MDN1: variants seen among roughly 807,000 people sequenced by gnomAD.
MDN1 encodes the protein midasin.
Under a neutral mutation model 669.2 loss-of-function variants are expected in MDN1, and 266 were observed. The observed-to-expected ratio is 0.40, with a 90% confidence interval of 0.36 to 0.44. MDN1 has a LOEUF of 0.44. Among genes scored for constraint, MDN1 ranks in the 20% least tolerant of loss-of-function variants. The pLI, the probability that MDN1 is intolerant of heterozygous loss-of-function variation, is 1.00. For missense variants in MDN1, 5,940 were observed against 6,754.0 expected, an observed-to-expected ratio of 0.88 and a Z score of 4.22; for synonymous variants, 2,385 against 2,457.1, an observed-to-expected ratio of 0.97 and a Z score of 0.87.
Position 89,693,010 on chromosome 6 carries a change from G to C in MDN1, c.10020C>G (p.Ala3340=). The C allele has an allele frequency of 6.2e-7, 1 of 1,614,220 alleles. No homozygotes were observed. Among genetic ancestry groups the C allele is most frequent in the Middle Eastern group, 1.6e-4 (1 of 6,062 alleles). ...GTGTGAGCAGATCCTGAACAGCAGG[G>C]GCCTTGGCGATGCTGGTGACGTAGT... The part of the protein sequence containing the change: ...IHHYVTSIAK[A]PAVQDLLTRL... Residue 3340 remains alanine, a synonymous_variant, in exon 63 of 102, where the codon GCC becomes GCG. Transcript: ENST00000369393.
At chr6:89,708,363 C>G in intron 51 of MDN1, 133 bp downstream of exon 51, 1 of 1,115,892 alleles carries the variant, frequency 9.0e-7, no homozygotes, top group Non-Finnish European at 1.3e-6. Context: ...TAAAGGCAAT[C>G]ATGTCCAACA....
At chr6:89,775,909 A>C (rs747818675) in intron 12 of MDN1, among the ~76,000 whole-genome samples, 10 of 152,048 alleles carry the variant, frequency 6.6e-5, no homozygotes, top group Admixed American at 1.3e-4. Context: ...GGCTGGTCTT[A>C]AACTCCCGAC....
At position 89,674,555 on chromosome 6, in the gene MDN1, T is replaced by C. The variant is rs41273327; in HGVS notation, c.12796A>G (p.Arg4266Gly). The C allele has an allele frequency of 0.039, 62,145 of 1,590,582 alleles. 1,800 individuals are homozygous for C. Among genetic ancestry groups the C allele is most frequent in the South Asian group, 0.12 (11,156 of 89,682 alleles). ...GGGTAGGCCTGGGGCCCCATCAGCC[T>C]GCTGTGAATCTCTTGCACACAGCTG... Reference protein sequence around the residue: ...LLSCVQEIHSRLMGPQAYPVA... With the variant: ...LLSCVQEIHSGLMGPQAYPVA... Residue 4266 changes from arginine (R) to glycine (G), a missense_variant, in exon 79 of 102, where the codon AGG becomes GGG. By Grantham distance (125) the Arg-to-Gly change is moderately radical. Around this residue, in one of 5 missense-constraint regions of MDN1, gnomAD observed 2,280 missense variants for 2,576.3 expected, o/e 0.88. Coordinates refer to ENST00000369393, the MANE Select transcript of MDN1 (RefSeq NM_014611.3).
intron 2 of MDN1, among the ~76,000 whole-genome samples, chr6:89,795,728 C>T (rs1289183777): frequency 6.6e-6 from 1 of 152,048 alleles, no homozygotes; most frequent in Non-Finnish European, 1.5e-5. Flanking sequence ...CTGAGGCGGG[C>T]AGATCACCTG....
intron 7 of MDN1, among the ~76,000 whole-genome samples, chr6:89,788,514 G>C (rs764455338): frequency 6.6e-6 from 1 of 152,182 alleles, no homozygotes; most frequent in Non-Finnish European, 1.5e-5. Flanking sequence ...CATGGCACAA[G>C]AATTCTGTTA....
Position 89,695,852 on chromosome 6 carries a change from T to C in MDN1, c.9524A>G (p.His3175Arg), listed in dbSNP as rs148728196. Reference sequence around the variant, plus strand: ...CATGTCCCCAAGTGTCTGGCCCACATGCTGGAAGGCCTGGCTGCTCCCAAG... The same window carrying C: ...CATGTCCCCAAGTGTCTGGCCCACACGCTGGAAGGCCTGGCTGCTCCCAAG... ...LLLGSSQAFQHVGQTLGDMAG... is the reference protein window; with the variant it reads ...LLLGSSQAFQRVGQTLGDMAG... The change falls in exon 61 of 102, where the codon CAT becomes CGT. Residue 3175 changes from histidine (H) to arginine (R), a missense_variant. His to Arg is a conservative substitution (Grantham distance 29). Transcript: ENST00000369393. This position sits in a 1 kb window ranked among gnomAD's most constrained non-coding sequence, Gnocchi z 4.1. 6 of 1,613,720 alleles carry C rather than the reference T, an allele frequency of 3.7e-6. No individual in the cohort carries two copies. The highest frequency in any genetic ancestry group is 1.7e-5 in the Admixed American group (1 of 60,026).
intron 12 of MDN1, among the ~76,000 whole-genome samples, chr6:89,775,967 G>C (rs1026910399): frequency 6.6e-6 from 1 of 152,106 alleles, no homozygotes; most frequent in Non-Finnish European, 1.5e-5. Context: ...GGGATTACAG[G>C]TGTGAGCCAC....
chr6:89,691,101 G>A (rs760641298), intron 63 of MDN1, among the ~76,000 whole-genome samples: 11 of 152,130 alleles, frequency 7.2e-5, no homozygotes, highest in Non-Finnish European at 1.2e-4. Context: ...TACAGCTAAT[G>A]GGAACTTCCT....
Position 89,781,394 on chromosome 6 carries a change from A to G in MDN1, c.1643+5T>C, listed in dbSNP as rs1301162062. ...AAGAAAAGAAAAAACTGTTTAGTCCAGTACCTTAGAGATAATTCTCTTCCC... is the reference window on the plus strand; with the variant it reads ...AAGAAAAGAAAAAACTGTTTAGTCCGGTACCTTAGAGATAATTCTCTTCCC... On this transcript the variant is annotated splice_donor_5th_base_variant and intron_variant, in intron 10 of 101. Coordinates refer to ENST00000369393, the MANE Select transcript of MDN1 (RefSeq NM_014611.3). 3 of 1,612,290 alleles carry G rather than the reference A, an allele frequency of 1.9e-6. No homozygotes were observed. Among genetic ancestry groups the G allele is most frequent in the Non-Finnish European group, 2.5e-6 (3 of 1,178,672 alleles).
At chr6:89,676,327 A>C (rs1811188211) in intron 76 of MDN1, 120 bp from the exon 77 acceptor site, 2 of 793,772 alleles carry the variant, frequency 2.5e-6, no homozygotes, top group Middle Eastern at 4.5e-4. Context: ...GAATAGGTTT[A>C]TTTCTATGAG....
At chr6:89,677,131 G>T (rs779161880) in intron 76 of MDN1, among the ~76,000 whole-genome samples, 14 of 151,324 alleles carry the variant, frequency 9.3e-5, no homozygotes, top group South Asian at 2.1e-4. Flanking sequence ...TTACTTTGCC[G>T]CCCAGGCTGG....
chr6:89,651,771 A>G (rs1808888530), intron 95 of MDN1, among the ~76,000 whole-genome samples: 1 of 152,218 alleles, frequency 6.6e-6, no homozygotes, highest in Non-Finnish European at 1.5e-5. Context: ...TGAAATGTGT[A>G]TATAATACAG....
chr6:89,744,466 G>A (rs777591921), intron 29 of MDN1, among the ~76,000 whole-genome samples: 15 of 150,716 alleles, frequency 1.0e-4, no homozygotes, highest in Non-Finnish European at 2.1e-4. Flanking sequence ...GCAATGGCAC[G>A]ATATCAGCTC....
Position 89,730,919 on chromosome 6 carries a change from T to C in MDN1, c.4947A>G (p.Val1649=), listed in dbSNP as rs1815553137. The part of the protein sequence containing the change: ...LVYIDGIGSG[V]TSSGFGTALL... ...GGGCTGTACCAAACCCAGAGGAAGT[T>C]ACCCCTAAAAGACAGAGGATCAGTC... is the stretch of plus-strand genomic sequence containing the variant. The change falls in exon 35 of 102, where the codon GTA becomes GTG. Residue 1649 remains valine, a synonymous_variant. Transcript: ENST00000369393. 3 of 1,613,752 alleles carry C rather than the reference T, an allele frequency of 1.9e-6. No individual in the cohort carries two copies. The highest frequency in any genetic ancestry group is 2.5e-6 in the Non-Finnish European group (3 of 1,179,824).
At position 89,672,603 on chromosome 6, in the gene MDN1, C is replaced by G; in HGVS notation, c.13574G>C (p.Arg4525Thr). ...ILCAIQNLEE[R>T]KNEKAEENTD... Reference sequence around the variant, plus strand: ...GTTCTCCTCTGCTTTTTCATTCTTTCTTTCTTCTAAGTTCTGGATGGCACA... The same window carrying G: ...GTTCTCCTCTGCTTTTTCATTCTTTGTTTCTTCTAAGTTCTGGATGGCACA... The change falls in exon 81 of 102, where the codon AGA becomes ACA. Residue 4525 changes from arginine (R) to threonine (T), a missense_variant. Arg to Thr is a moderately conservative substitution (Grantham distance 71). Around this residue, in one of 5 missense-constraint regions of MDN1, gnomAD observed 2,280 missense variants for 2,576.3 expected, o/e 0.88. Transcript: ENST00000369393. 6.2e-7 allele frequency: 1 copy of G among 1,614,028 alleles called. No individual in the cohort carries two copies. The highest frequency in any genetic ancestry group is 8.5e-7 in the Non-Finnish European group (1 of 1,179,998).
chr6:89,807,261 A>AT (rs377494977), intron 1 of MDN1, among the ~76,000 whole-genome samples: 26 of 152,032 alleles, frequency 1.7e-4, no homozygotes, highest in Non-Finnish European at 2.2e-4. Flanking sequence ...TAATTTCTGT[A>AT]TTTTTACTAC....
rs1453669109 is a variant in MDN1, at chr6:89,745,479, T to C, written c.4039+13A>G. The C allele has an allele frequency of 1.2e-6, 2 of 1,614,010 alleles. No homozygotes were observed. Among genetic ancestry groups the C allele is most frequent in the African/African-American group, 2.7e-5 (2 of 74,936 alleles). ...CTCAAATCATATTCCTCTAGGGATT[T>C]TGGCCTACTCACCCAGCAATTTTAG... On this transcript the variant is annotated intron_variant, in intron 28 of 101. Transcript: ENST00000369393.
At chr6:89,718,309 A>G (rs952566071) in intron 43 of MDN1, 57 bp downstream of exon 43, 158 of 1,506,114 alleles carry the variant, frequency 1.0e-4, no homozygotes, top group Middle Eastern at 1.8e-4. Context: ...ATTACGTGTA[A>G]ATGGACACAA....
intron 11 of MDN1, among the ~76,000 whole-genome samples, chr6:89,777,250 T>A (rs952351847): frequency 6.6e-6 from 1 of 152,192 alleles, no homozygotes; most frequent in African/African-American, 2.4e-5. Flanking sequence ...ATTTTTTGTA[T>A]TTTCTATTTA....
Sources: allele counts gnomAD v4.1 joint callset (sites outside exome capture counted in the v4.1 genomes callset), GRCh38; gene constraint gnomAD v4.1.1; regional missense constraint gnomAD v4.1.1; non-coding constraint Gnocchi (gnomAD v3.1); transcripts MANE v1.5; gene names NCBI Gene and HGNC (gene_info 2026-07-23, HGNC 2026-07-21).